The following ANKRD10 variants were observed in gnomAD, a reference collection of about 807,000 sequenced individuals.
ANKRD10 encodes the protein ankyrin repeat domain 10, also known as ankyrin repeat domain-containing protein 10.
In ANKRD10, 14 loss-of-function variants were observed where a neutral mutation model predicts 27.0. The ratio of observed to expected loss-of-function variants is 0.52; its 90% CI spans 0.34 to 0.81. ANKRD10 has a LOEUF of 0.81. ANKRD10 is among the 40% of genes least tolerant of loss of function. The probability of loss-of-function intolerance (pLI) is 0.01; values close to 1 mark genes in which losing one functional copy is unlikely to be tolerated. For synonymous variants in ANKRD10, 250 were observed against 224.5 expected (o/e 1.11, Z -1.01); for missense variants, 493 against 544.0 (o/e 0.91, Z 0.93).
intron 2 of ANKRD10, among the ~76,000 whole-genome samples, chr13:110,910,235 A>G (rs2138892347): frequency 6.6e-6 from 1 of 152,346 alleles, no homozygotes; most frequent in South Asian, 2.1e-4. Flanking sequence ...CTCACTTTGG[A>G]GCTGACTTAA....
Position 110,912,441 on chromosome 13 carries a change from A to G in ANKRD10, c.211-1671T>C, listed in dbSNP as rs542024817. ...ATTGCCTTTATTAATTCACTGGGTG[A>G]AAATGAAAGTATTAATTAGCGATAA... is the stretch of plus-strand genomic sequence containing the variant. On this transcript the variant is annotated intron_variant, in intron 1 of 5. Coordinates refer to ENST00000267339, the MANE Select transcript of ANKRD10 (RefSeq NM_017664.4). 1.2e-4 allele frequency among the ~76,000 whole-genome samples: 18 copies of G among 152,348 alleles called. No homozygotes were observed. In the South Asian group the frequency reaches 3.7e-3, roughly 32 times the overall value.
chr13:110,901,474 G>C (rs1170946390), intron 3 of ANKRD10, among the ~76,000 whole-genome samples: 1 of 152,206 alleles, frequency 6.6e-6, no homozygotes, highest in South Asian at 2.1e-4. Flanking sequence ...AAGGGAGAAA[G>C]ACATTTGGAT....
intron 1 of ANKRD10, 191 bp downstream of exon 1, chr13:110,914,516 CGCCCCGCGCCCCCCGGCT>C: frequency 1.8e-6 from 1 of 569,954 alleles, no homozygotes; most frequent in Non-Finnish European, 2.5e-6. Context: ...ACCTCGCTTC[CGCCCCGCGCCCCCCGGCT>C]GCCCCGCCGC....
At chr13:110,887,565 T>C (rs1311977262) in intron 4 of ANKRD10, among the ~76,000 whole-genome samples, 3 of 152,206 alleles carry the variant, frequency 2.0e-5, no homozygotes, top group African/African-American at 4.8e-5. Context: ...TATAAAGTCA[T>C]ACTTTGGGAT....
intron 1 of ANKRD10, among the ~76,000 whole-genome samples, chr13:110,914,037 C>T (rs1466579419): frequency 6.6e-6 from 1 of 152,200 alleles, no homozygotes; most frequent in Non-Finnish European, 1.5e-5. Flanking sequence ...AATTTAGATC[C>T]AAGATAAACA....
intron 1 of ANKRD10, among the ~76,000 whole-genome samples, chr13:110,913,399 T>C (rs548286000): frequency 6.6e-6 from 1 of 152,236 alleles, no homozygotes; most frequent in African/African-American, 2.4e-5. Flanking sequence ...GAAACTCATT[T>C]CCCCTGGGCA....
intron 4 of ANKRD10, among the ~76,000 whole-genome samples, chr13:110,885,191 C>T (rs996485017): frequency 6.6e-6 from 1 of 151,952 alleles, no homozygotes; most frequent in African/African-American, 2.4e-5. Context: ...TCCACTTTCA[C>T]TATGACTCAG....
chr13:110,897,589 A>G (rs1420463557), intron 3 of ANKRD10, among the ~76,000 whole-genome samples: 3 of 152,126 alleles, frequency 2.0e-5, no homozygotes, highest in African/African-American at 7.2e-5. Flanking sequence ...TATATACCAC[A>G]TTTTATCTGT....
At position 110,910,639 on chromosome 13, in the gene ANKRD10, T is replaced by TG; in HGVS notation, c.341dup (p.Gly115ArgfsTer5). 1 of 1,614,154 alleles carries TG rather than the reference T, an allele frequency of 6.2e-7. No homozygotes were observed. The highest frequency in any genetic ancestry group is 8.5e-7 in the Non-Finnish European group (1 of 1,180,040). ...TTACCGGTTTGTTAATGTTGGCTCCTGCTTGAATCAGCCAGACCAGGCACT... is the reference window on the plus strand; with the variant it reads ...TTACCGGTTTGTTAATGTTGGCTCCTGGCTTGAATCAGCCAGACCAGGCACT... On this transcript the variant is annotated frameshift_variant, in exon 2 of 6. Coordinates refer to ENST00000267339, the MANE Select transcript of ANKRD10 (RefSeq NM_017664.4). LOFTEE classifies it high-confidence loss of function.
Position 110,880,120 on chromosome 13 carries a change from A to G in ANKRD10, c.788-8T>C. The stretch of plus-strand genomic sequence containing the variant: ...AGCTACTGTTTTTCATATCTGCATT[A>G]AGAAATACACCTGTCACCAAAATTC... On this transcript the variant is annotated splice_polypyrimidine_tract_variant and splice_region_variant and intron_variant, in intron 5 of 5. Coordinates refer to ENST00000267339, the MANE Select transcript of ANKRD10 (RefSeq NM_017664.4). 6.2e-7 allele frequency: 1 copy of G among 1,607,176 alleles called. No individual in the cohort carries two copies.
chr13:110,900,045 C>T (rs2065341962), intron 3 of ANKRD10, among the ~76,000 whole-genome samples: 1 of 151,544 alleles, frequency 6.6e-6, no homozygotes, highest in Admixed American at 6.6e-5. Flanking sequence ...GACCCTGTCT[C>T]TTCAAACACT....
Position 110,879,258 on chromosome 13 carries a change from C to T in ANKRD10, c.*379G>A. On this transcript the variant is annotated 3_prime_UTR_variant, in exon 6 of 6. Transcript: ENST00000267339. ...GAAGCAAGCTTTTTAAAATGATGCC[C>T]ATGTGCAAAGAGATAAATTACCAGG... The T allele has an allele frequency of 9.5e-6, 2 of 210,860 alleles. No homozygotes were observed. Among genetic ancestry groups the T allele is most frequent in the Admixed American group, 1.0e-4 (2 of 19,356 alleles). 13.1% of individuals were successfully genotyped at this position (210,860 alleles called of 1,614,324 possible).
chr13:110,893,384 TTCA>T, intron 3 of ANKRD10, 121 bp from the exon 4 acceptor site: 1 of 878,686 alleles, frequency 1.1e-6, no homozygotes, highest in Non-Finnish European at 1.7e-6. Context: ...ATAGCAAATC[TTCA>T]TTAAAGAAGT....
intron 4 of ANKRD10, among the ~76,000 whole-genome samples, chr13:110,884,640 A>G (rs1485674715): frequency 6.6e-6 from 1 of 152,242 alleles, no homozygotes; most frequent in Admixed American, 6.5e-5. Context: ...CTATGGCTGT[A>G]TTACGATTCG....
intron 4 of ANKRD10, among the ~76,000 whole-genome samples, chr13:110,891,122 A>G (rs751590979): frequency 6.6e-6 from 1 of 152,222 alleles, no homozygotes; most frequent in African/African-American, 2.4e-5. Flanking sequence ...TTTATCAGCA[A>G]TAAGAGAAAA....
intron 3 of ANKRD10, chr13:110,894,225 T>A (rs754358071): frequency 6.5e-7 from 1 of 1,546,286 alleles, no homozygotes; most frequent in South Asian, 1.1e-5. Context: ...AGACATCCTG[T>A]TAGCTGCAGG....
At chr13:110,890,971 G>A (rs2138835074) in intron 4 of ANKRD10, among the ~76,000 whole-genome samples, 1 of 152,262 alleles carries the variant, frequency 6.6e-6, no homozygotes, top group East Asian at 1.9e-4. Flanking sequence ...GCTTTTCAGG[G>A]TAATTAAGCA....
At chr13:110,897,391 C>T (rs534728618) in intron 3 of ANKRD10, among the ~76,000 whole-genome samples, 3 of 150,920 alleles carry the variant, frequency 2.0e-5, no homozygotes, top group Non-Finnish European at 4.4e-5. Flanking sequence ...CCTAAAGCAC[C>T]GAGATTAGAG....
chr13:110,893,402 A>C (rs2065135787), intron 3 of ANKRD10, 139 bp from the exon 4 acceptor site: 1 of 767,338 alleles, frequency 1.3e-6, no homozygotes, highest in South Asian at 1.9e-5. Flanking sequence ...AGAAGTAGTT[A>C]ATCAATCTAG....
Sources: gnomAD v4.1 joint callset for allele counts (sites outside exome capture counted in the v4.1 genomes callset) on GRCh38, gnomAD v4.1.1 for gene constraint, MANE v1.5 for transcripts, NCBI Gene and HGNC (gene_info 2026-07-23, HGNC 2026-07-21) for gene names.